FOXK2: variants seen among roughly 807,000 people sequenced by gnomAD.
FOXK2 encodes forkhead box K2, also known as forkhead box protein K2.
In FOXK2, 24 loss-of-function variants were observed where a neutral mutation model predicts 53.3. The observed-to-expected ratio is 0.45, with a 90% CI of 0.33 to 0.63. FOXK2 has a LOEUF of 0.63. Ranked by LOEUF, FOXK2 falls within the 30% of genes least tolerant of loss-of-function variation. The pLI is 0.03. For missense variants in FOXK2, 952 were observed against 910.5 expected (o/e 1.05, Z -0.59); for synonymous variants, 505 against 407.1 (o/e 1.24, Z -2.89).
At chr17:82,538,478 C>T (rs1308784490) in intron 1 of FOXK2, among the ~76,000 whole-genome samples, 1 of 152,196 alleles carries the variant, frequency 6.6e-6, no homozygotes, top group Non-Finnish European at 1.5e-5. Flanking sequence ...GACCAAGATC[C>T]TGTCTCCAAT....
chr17:82,596,569 C>T (rs2045315851), intron 8 of FOXK2, among the ~76,000 whole-genome samples: 1 of 152,276 alleles, frequency 6.6e-6, no homozygotes, highest in African/African-American at 2.4e-5. Flanking sequence ...TGTGGCAGGG[C>T]TCCCTGCCCA....
chr17:82,570,115 G>A (rs868829597), intron 3 of FOXK2, among the ~76,000 whole-genome samples: 2 of 152,086 alleles, frequency 1.3e-5, no homozygotes, highest in South Asian at 2.1e-4. Context: ...CCAGCTACTC[G>A]GGAGGCTGAG....
chr17:82,558,833 G>A (rs1416971839), intron 1 of FOXK2, among the ~76,000 whole-genome samples: 1 of 151,866 alleles, frequency 6.6e-6, no homozygotes, highest in Admixed American at 6.6e-5. Flanking sequence ...TGCAAGCTCC[G>A]CCTCCTGGGT....
Position 82,586,140 on chromosome 17 carries a change from G to A in FOXK2, c.1516G>A (p.Ala506Thr). Residue 506 changes from alanine (A) to threonine (T), a missense_variant, in exon 7 of 9, where the codon GCC (alanine) becomes ACC (threonine). Ala to Thr is a moderately conservative substitution (Grantham distance 58). Around this residue, in one of 5 missense-constraint regions of FOXK2, gnomAD observed 551 missense variants for 385.1 expected, o/e 1.43. Coordinates refer to ENST00000335255, the MANE Select transcript of FOXK2 (RefSeq NM_004514.4). ...TGGACAAGCTGTGGTCACCCCGGCAGCCGTGCTGGCCCCTCCTAAGGCAGA... is the reference window on the plus strand; with the variant it reads ...TGGACAAGCTGTGGTCACCCCGGCAACCGTGCTGGCCCCTCCTAAGGCAGA... ...VSGQAVVTPAAVLAPPKAEAQ... is the reference protein window; with the variant it reads ...VSGQAVVTPATVLAPPKAEAQ... 1 of 1,612,642 alleles carries A rather than the reference G, an allele frequency of 6.2e-7. No homozygotes were observed. Among genetic ancestry groups the A allele is most frequent in the African/African-American group, 1.3e-5 (1 of 75,034 alleles).
intron 1 of FOXK2, among the ~76,000 whole-genome samples, chr17:82,525,599 G>A (rs1001376900): frequency 6.6e-6 from 1 of 152,100 alleles, no homozygotes; most frequent in African/African-American, 2.4e-5. Context: ...TTGTTGCCAT[G>A]GTAACAAACT....
At chr17:82,557,137 A>T (rs1045380596) in intron 1 of FOXK2, among the ~76,000 whole-genome samples, 1 of 151,146 alleles carries the variant, frequency 6.6e-6, no homozygotes, top group South Asian at 2.1e-4. Context: ...GGCTCAAGCA[A>T]TTCTCCTGCC....
intron 6 of FOXK2, 138 bp downstream of exon 6, chr17:82,584,326 C>A: frequency 1.1e-6 from 1 of 875,560 alleles, no homozygotes; most frequent in Non-Finnish European, 1.6e-6. Flanking sequence ...ATTTTATAGG[C>A]CTTGGAAAAC....
At chr17:82,590,725 A>G (rs575158719) in intron 8 of FOXK2, among the ~76,000 whole-genome samples, 1 of 152,316 alleles carries the variant, frequency 6.6e-6, no homozygotes, top group East Asian at 1.9e-4. Flanking sequence ...TTAAGCAATT[A>G]TGTTTATACT....
At chr17:82,534,660 CA>C (rs762129242) in intron 1 of FOXK2, among the ~76,000 whole-genome samples, 19 of 152,226 alleles carry the variant, frequency 1.2e-4, no homozygotes, top group Non-Finnish European at 2.5e-4. Flanking sequence ...CTTCTCACCA[CA>C]CACTTCAGCC....
intron 4 of FOXK2, among the ~76,000 whole-genome samples, chr17:82,574,065 C>T (rs917567477): frequency 5.9e-5 from 9 of 152,240 alleles, no homozygotes; most frequent in Non-Finnish European, 1.2e-4. Flanking sequence ...ATTGCAGGTG[C>T]CTGCACAGCT....
intron 8 of FOXK2, among the ~76,000 whole-genome samples, chr17:82,588,037 C>T (rs897531603): frequency 2.6e-5 from 4 of 152,144 alleles, no homozygotes; most frequent in Non-Finnish European, 5.9e-5. Context: ...TTTATCACGA[C>T]GTTTGAATCC....
chr17:82,588,452 T>TGGCTATTGGAGGGCA (rs2045218738), intron 8 of FOXK2: 1 of 102,674 alleles, frequency 9.7e-6, no homozygotes, highest in African/African-American at 4.1e-5. Context: ...GTTGGAGGGC[T>TGGCTATTGGAGGGCA]GGCGGTTGGA....
intron 8 of FOXK2, among the ~76,000 whole-genome samples, chr17:82,598,391 C>T (rs906323116): frequency 3.3e-5 from 5 of 152,164 alleles, no homozygotes; most frequent in Admixed American, 6.5e-5. Context: ...GCCTGGCCTA[C>T]GCCTCTTGTA....
intron 4 of FOXK2, among the ~76,000 whole-genome samples, chr17:82,580,384 G>A (rs1166926314): frequency 2.2e-5 from 1 of 46,506 alleles, no homozygotes; most frequent in African/African-American, 1.0e-4. Flanking sequence ...CACCCATGAA[G>A]TAGCTCCATC....
chr17:82,555,885 C>CAAAAAAAAAAAAA (rs71168116), intron 1 of FOXK2, among the ~76,000 whole-genome samples: 3 of 74,216 alleles, frequency 4.0e-5, no homozygotes, highest in African/African-American at 1.1e-4. Context: ...GACTCTATCA[C>CAAAAAAAAAAAAA]AAAAAAAAAA....
chr17:82,549,398 A>C (rs1181781701), intron 1 of FOXK2, among the ~76,000 whole-genome samples: 4 of 150,854 alleles, frequency 2.7e-5, no homozygotes, highest in Admixed American at 6.6e-5. Context: ...GGGGGGCCAA[A>C]CCCCCAAAAT....
intron 1 of FOXK2, among the ~76,000 whole-genome samples, chr17:82,524,258 A>G (rs1288696687): frequency 6.6e-6 from 1 of 152,256 alleles, no homozygotes; most frequent in African/African-American, 2.4e-5. Flanking sequence ...GTAGAGTTAG[A>G]AAATAATGTA....
At chr17:82,530,355 T>G (rs1434732631) in intron 1 of FOXK2, among the ~76,000 whole-genome samples, 3 of 145,360 alleles carry the variant, frequency 2.1e-5, no homozygotes, top group Non-Finnish European at 4.5e-5. Flanking sequence ...CTGGGTGTGG[T>G]GGCGCATGCC....
chr17:82,590,946 G>A (rs1327829293), intron 8 of FOXK2, among the ~76,000 whole-genome samples: 1 of 152,182 alleles, frequency 6.6e-6, no homozygotes, highest in Admixed American at 6.5e-5. Context: ...CCCTAAGGGG[G>A]TTCCATCCTC....
Sources: gnomAD v4.1 joint callset for allele counts (sites outside exome capture counted in the v4.1 genomes callset) on GRCh38, gnomAD v4.1.1 for gene constraint, gnomAD v4.1.1 regional missense constraint, MANE v1.5 for transcripts, NCBI Gene and HGNC (gene_info 2026-07-23, HGNC 2026-07-21) for gene names.